SUV39H1: variants seen among roughly 807,000 people sequenced by gnomAD.
SUV39H1 encodes the protein histone-lysine N-methyltransferase SUV39H1.
For synonymous variants in SUV39H1, 141 were observed against 150.5 expected (o/e 0.94, Z 0.46); for missense variants, 180 against 386.3 (o/e 0.47, Z 4.48).
At chrX:48,707,165 C>T (rs911868460) in intron 5 of SUV39H1, among the ~76,000 whole-genome samples, 8 of 109,090 alleles carry the variant, frequency 7.3e-5, no homozygotes, top group Non-Finnish European at 1.1e-4. Flanking sequence ...TCCCTGCCTC[C>T]CCCAGCATTC....
rs1569494938 is a variant in SUV39H1, at chrX:48,700,612, C to T, written c.687C>T (p.Gly229=). ...AGTGCAACTCCCGCTGCCGCTGCGGCTATGACTGCCCAAATCGTGTGGTAC... is the reference window on the plus strand; with the variant it reads ...AGTGCAACTCCCGCTGCCGCTGCGGTTATGACTGCCCAAATCGTGTGGTAC... ...IYECNSRCRC[G]YDCPNRVVQK... Residue 229 remains glycine, a synonymous_variant, in exon 3 of 6, where the codon GGC becomes GGT. Coordinates refer to ENST00000376687, the MANE Select transcript of SUV39H1 (RefSeq NM_003173.4). 1 of 1,211,193 alleles carries T rather than the reference C, an allele frequency of 8.3e-7. No individual in the cohort carries two copies. Among genetic ancestry groups the T allele is most frequent in the Non-Finnish European group, 1.1e-6 (1 of 895,419 alleles).
In SUV39H1 at chrX:48,700,570, C is replaced by T. The variant is rs868959716; in HGVS notation, c.645C>T (p.Ala215=). Residue 215 remains alanine (A), a synonymous_variant, in exon 3 of 6, where the codon GCC becomes GCT. Transcript: ENST00000376687. ...ACCAGGGCCAGGTGCGGCTTCGAGC[C>T]GGGCTGCCCATCTACGAGTGCAACT... The part of the protein sequence containing the change: ...YNDQGQVRLR[A]GLPIYECNSR... The T allele has an allele frequency of 5.8e-6, 7 of 1,212,377 alleles. No individual in the cohort carries two copies. Among genetic ancestry groups the T allele is most frequent in the Middle Eastern group, 2.3e-4 (1 of 4,354 alleles).
intron 3 of SUV39H1, chrX:48,705,428 G>T (rs994339277): frequency 2.6e-5 from 3 of 114,241 alleles, no homozygotes; most frequent in African/African-American, 9.6e-5. Context: ...GCCGTTGCTG[G>T]CCTCAGGGAA....
At chrX:48,704,981 G>A (rs1336506340) in intron 3 of SUV39H1, among the ~76,000 whole-genome samples, 1 of 112,403 alleles carries the variant, frequency 8.9e-6, no homozygotes, top group Non-Finnish European at 1.9e-5. Context: ...CTGGAGCACG[G>A]GGCAGTGGGT....
chrX:48,703,508 C>T (rs1177223993), intron 3 of SUV39H1, among the ~76,000 whole-genome samples: 1 of 111,939 alleles, frequency 8.9e-6, no homozygotes, highest in Non-Finnish European at 1.9e-5. Context: ...TCAGAACTTT[C>T]ACGTTCCTGC....
At position 48,700,356 on chromosome X, in the gene SUV39H1, G is replaced by A; in HGVS notation, c.431G>A (p.Arg144His). ...ELNAKRSHLGRITVENEVDLD... is the reference protein window; with the variant it reads ...ELNAKRSHLGHITVENEVDLD... Reference sequence around the variant, plus strand: ...AATGCCAAGCGCAGCCATCTGGGACGCATCACTGTAGAGAATGAGGTGGAC... The same window carrying A: ...AATGCCAAGCGCAGCCATCTGGGACACATCACTGTAGAGAATGAGGTGGAC... The change falls in exon 3 of 6, where the codon CGC becomes CAC. Residue 144 changes from arginine to histidine, a missense_variant. Coordinates refer to ENST00000376687, the MANE Select transcript of SUV39H1 (RefSeq NM_003173.4). 2 of 1,212,193 alleles carry A rather than the reference G, an allele frequency of 1.6e-6. No individual in the cohort carries two copies. Among genetic ancestry groups the A allele is most frequent in the South Asian group, 1.8e-5 (1 of 57,021 alleles).
At position 48,696,861 on chromosome X, in the gene SUV39H1, G is replaced by C. The variant is rs2062457643; in HGVS notation, c.19+58G>C. On this transcript the variant is annotated intron_variant, in intron 1 of 5. Coordinates refer to ENST00000376687, the MANE Select transcript of SUV39H1 (RefSeq NM_003173.4). Reference sequence around the variant, plus strand: ...TGGCCGGGCCGGGTGGGCTGGAGGGGTGGCGTTGCCGGCTCGGGGCCCCGG... The same window carrying C: ...TGGCCGGGCCGGGTGGGCTGGAGGGCTGGCGTTGCCGGCTCGGGGCCCCGG... 8 of 983,247 alleles carry C rather than the reference G, an allele frequency of 8.1e-6. No homozygotes were observed. The South Asian group carries it at 2.4e-4, about 29-fold the overall frequency. The allele number at this position is 983,247 out of a possible 1,213,427, so 81.0% of individuals were successfully genotyped here.
At chrX:48,700,024 C>A in intron 2 of SUV39H1, 67 bp from the exon 3 acceptor site, 1 of 983,938 alleles carries the variant, frequency 1.0e-6, no homozygotes, top group Non-Finnish European at 1.4e-6. Context: ...GGATGGAAGC[C>A]CCATGAAGGC....
chrX:48,700,456 G>A lies in SUV39H1; in HGVS notation c.531G>A (p.Val177=), dbSNP rs782546684. 3.7e-5 allele frequency: 45 copies of A among 1,212,186 alleles called. No homozygotes were observed. The South Asian group carries it at 7.0e-4, about 19-fold the overall frequency. The part of the protein sequence containing the change: ...RVGEGITLNQ[V]AVGCECQDCL... ...GTGAGGGCATCACCCTCAACCAGGT[G>A]GCTGTGGGCTGCGAGTGCCAGGACT... The change falls in exon 3 of 6, where the codon GTG becomes GTA. Residue 177 remains valine, a synonymous_variant. Coordinates refer to ENST00000376687, the MANE Select transcript of SUV39H1 (RefSeq NM_003173.4).
In SUV39H1 at chrX:48,700,250, C is replaced by T. The variant is rs1557009233; in HGVS notation, c.325C>T (p.His109Tyr). The change falls in exon 3 of 6, where the codon CAC becomes TAC. Residue 109 changes from histidine (H) to tyrosine (Y), a missense_variant. His to Tyr is a moderately conservative substitution (Grantham distance 83, BLOSUM62 2). Transcript: ENST00000376687. ...GCACCACCGGTCAAAGACCCCCCGG[C>T]ACCTGGACCCAAGCTTGGCCAACTA... Reference protein sequence around the residue: ...RRHHRSKTPRHLDPSLANYLV... With the variant: ...RRHHRSKTPRYLDPSLANYLV... 8.3e-6 allele frequency: 10 copies of T among 1,207,618 alleles called. No homozygotes were observed. In the East Asian group the frequency reaches 2.1e-4, roughly 25 times the overall value.
At chrX:48,698,697 C>CA (rs1281688691) in intron 1 of SUV39H1, among the ~76,000 whole-genome samples, 3 of 111,847 alleles carry the variant, frequency 2.7e-5, no homozygotes, top group African/African-American at 9.8e-5. Flanking sequence ...TCTGCTGCTC[C>CA]AGGGGCAGCT....
chrX:48,707,307 G>A (rs868912190), intron 5 of SUV39H1, 130 bp from the exon 6 acceptor site: 28 of 637,312 alleles, frequency 4.4e-5, no homozygotes, highest in Middle Eastern at 1.0e-3. Flanking sequence ...ATGGTATAAA[G>A]GGTAGTGGGA....
chrX:48,707,071 A>G (rs2062493172), intron 5 of SUV39H1, among the ~76,000 whole-genome samples: 1 of 108,194 alleles, frequency 9.2e-6, no homozygotes, highest in Non-Finnish European at 1.9e-5. Context: ...GTTCAGATGT[A>G]CCTCTGGATG....
upstream of SUV39H1, chrX:48,695,593 G>C: frequency 9.2e-7 from 1 of 1,082,904 alleles, no homozygotes; most frequent in Non-Finnish European, 1.2e-6. Context: ...GCATGCTGGA[G>C]GGCCTGGCTG....
chrX:48,699,113 T>A, intron 2 of SUV39H1, 66 bp downstream of exon 2: 1 of 1,087,399 alleles, frequency 9.2e-7, no homozygotes, highest in Admixed American at 2.8e-5. Flanking sequence ...CCTGCCCTCT[T>A]GTCCCCAACT....
intron 5 of SUV39H1, 78 bp downstream of exon 5, chrX:48,706,705 C>T (rs781910564): frequency 9.2e-7 from 1 of 1,088,989 alleles, no homozygotes; most frequent in East Asian, 3.1e-5. Context: ...GCACACCAGT[C>T]ACTCAGAGAA....
chrX:48,701,563 C>T (rs1393515546), intron 3 of SUV39H1, among the ~76,000 whole-genome samples: 3 of 111,713 alleles, frequency 2.7e-5, no homozygotes, highest in Non-Finnish European at 5.7e-5. Flanking sequence ...CACTTCTGCC[C>T]ATGCTCCACT....
At chrX:48,702,859 G>C (rs1483688352) in intron 3 of SUV39H1, among the ~76,000 whole-genome samples, 2 of 111,170 alleles carry the variant, frequency 1.8e-5, no homozygotes, top group Non-Finnish European at 3.8e-5. Flanking sequence ...CCTCCTGATG[G>C]TGCCACAGGC....
intron 3 of SUV39H1, among the ~76,000 whole-genome samples, chrX:48,701,501 G>C (rs1358349839): frequency 9.0e-6 from 1 of 111,646 alleles, no homozygotes; most frequent in Non-Finnish European, 1.9e-5. Flanking sequence ...CGGGCCAAGT[G>C]GGGGATAGAA....
Sources: gnomAD v4.1 joint callset for allele counts (sites outside exome capture counted in the v4.1 genomes callset) on GRCh38, gnomAD v4.1.1 for gene constraint, MANE v1.5 for transcripts, NCBI Gene and HGNC (gene_info 2026-07-23, HGNC 2026-07-21) for gene names.